Variants in NAA11 observed in about 807,000 individuals in gnomAD.
NAA11 encodes the protein N-alpha-acetyltransferase 11, NatA catalytic subunit.
In NAA11, 15 loss-of-function variants were observed where a neutral mutation model predicts 16.1. The ratio of observed to expected loss-of-function variants is 0.93; its 90% CI spans 0.62 to 1.44. NAA11 has a LOEUF of 1.44. Ranked by LOEUF, NAA11 falls within the 40% of genes most tolerant of loss-of-function variation. The probability of loss-of-function intolerance (pLI) is 0.00; values close to 1 mark genes in which losing one functional copy is unlikely to be tolerated. For synonymous variants in NAA11, 122 were observed against 112.4 expected, an observed-to-expected ratio of 1.09 and a Z score of -0.54; for missense variants, 298 against 291.3, an observed-to-expected ratio of 1.02 and a Z score of -0.17.
intron 2 of NAA11, among the ~76,000 whole-genome samples, chr4:79,267,465 C>G (rs1722378519): frequency 6.6e-6 from 1 of 152,148 alleles, no homozygotes; most frequent in Non-Finnish European, 1.5e-5. Flanking sequence ...CTTCTGTTTT[C>G]TCTACTGCAA....
the NAA11 span, among the ~76,000 whole-genome samples, chr4:79,181,245 C>T: frequency 6.6e-6 from 1 of 150,620 alleles, no homozygotes; most frequent in African/African-American, 2.4e-5. Context: ...AAAAAAAAAG[C>T]CATACAGCCT....
chr4:79,313,471 G>A (rs1296490137), downstream of NAA11, among the ~76,000 whole-genome samples: 2 of 152,156 alleles, frequency 1.3e-5, no homozygotes, highest in Admixed American at 1.3e-4. Context: ...GCTAAGGACT[G>A]TGTTCTCTAG....
chr4:79,261,873 G>C (rs1722249529), intron 2 of NAA11, among the ~76,000 whole-genome samples: 1 of 152,164 alleles, frequency 6.6e-6, no homozygotes, highest in African/African-American at 2.4e-5. Flanking sequence ...TTGAAGAGTT[G>C]ACTAAATGTT....
chr4:79,182,473 T>C, the NAA11 span, among the ~76,000 whole-genome samples: 15 of 152,308 alleles, frequency 9.8e-5, no homozygotes, highest in East Asian at 2.9e-3. Context: ...CAATTTATGG[T>C]GACATTTACT....
At chr4:79,214,958 C>G in the NAA11 span, among the ~76,000 whole-genome samples, 17 of 152,126 alleles carry the variant, frequency 1.1e-4, no homozygotes. Context: ...TACAGTGAGC[C>G]AAATAAATGT....
In NAA11 at chr4:79,320,738, ACTCTGT is replaced by A. The variant is rs533374299; in HGVS notation, c.*13-2953_*13-2948del. On this transcript the variant is annotated intron_variant, in intron 1 of 1. Coordinates refer to ENST00000286794, the MANE Select transcript of NAA11 (RefSeq NM_032693.3). ...ACTGTCCTGCTCAGCATCACTTCTA[ACTCTGT>A]CTCTGTTCCCAAATCCAAAAGTACA... Among the ~76,000 whole-genome samples the A allele has an allele frequency of 2.0e-5, 3 of 152,286 alleles. No individual in the cohort carries two copies. In the South Asian group the frequency reaches 6.2e-4, roughly 32 times the overall value.
rs569111113 is a variant in NAA11 at position 79,232,001 on chromosome 4, A to G, written c.*123-5731T>C. On this transcript the variant is annotated intron_variant and NMD_transcript_variant, in intron 2 of 2. Coordinates refer to the NAA11 transcript ENST00000511542. The stretch of plus-strand genomic sequence containing the variant: ...ATTTAGTGACATTAAAAATTTATTA[A>G]TTTTTAAGATTATGATAATGCTATT... 7.9e-5 allele frequency among the ~76,000 whole-genome samples: 12 copies of G among 151,900 alleles called. 1 individual carries two copies. The South Asian group carries it at 1.0e-3, about 13-fold the overall frequency.
chr4:79,179,429 T>C, the NAA11 span, among the ~76,000 whole-genome samples: 2 of 152,208 alleles, frequency 1.3e-5, no homozygotes, highest in African/African-American at 4.8e-5. Flanking sequence ...CTTTTTGTTG[T>C]ATTTCTGACT....
chr4:79,178,210 T>G, the NAA11 span, among the ~76,000 whole-genome samples: 1 of 152,180 alleles, frequency 6.6e-6, no homozygotes, highest in Non-Finnish European at 1.5e-5. Flanking sequence ...TATTTAATGG[T>G]AAGGCATGAC....
the NAA11 span, among the ~76,000 whole-genome samples, chr4:79,199,662 C>A: frequency 1.3e-5 from 2 of 151,814 alleles, no homozygotes; most frequent in African/African-American, 4.8e-5. Flanking sequence ...TCTTTCAAAG[C>A]TGATTTCAAC....
At chr4:79,207,367 T>TAAAA in the NAA11 span, among the ~76,000 whole-genome samples, 50 of 115,894 alleles carry the variant, frequency 4.3e-4, no homozygotes, top group Middle Eastern at 4.8e-3. Context: ...TGAATGAGGT[T>TAAAA]AAAAAAAAAA....
chr4:79,220,016 T>C, the NAA11 span, among the ~76,000 whole-genome samples: 1 of 152,226 alleles, frequency 6.6e-6, no homozygotes, highest in Non-Finnish European at 1.5e-5. Context: ...TTGTCCTATG[T>C]GCGAAGTCAG....
At chr4:79,309,275 G>A (rs1021795996) in intron 1 of NAA11, among the ~76,000 whole-genome samples, 24 of 151,004 alleles carry the variant, frequency 1.6e-4, no homozygotes, top group African/African-American at 5.6e-4. Flanking sequence ...AACAGAATTT[G>A]CTTTGCACAT....
intron 2 of NAA11, among the ~76,000 whole-genome samples, chr4:79,281,691 A>G (rs1040512715): frequency 6.6e-6 from 1 of 152,128 alleles, no homozygotes; most frequent in African/African-American, 2.4e-5. Flanking sequence ...AGGCCTCTCT[A>G]AGGAATTAGC....
intron 2 of NAA11, among the ~76,000 whole-genome samples, chr4:79,281,785 C>G (rs1722796603): frequency 6.6e-6 from 1 of 152,064 alleles, no homozygotes; most frequent in African/African-American, 2.4e-5. Flanking sequence ...GTCATGGGTT[C>G]TTAGTTTCTG....
the NAA11 span, among the ~76,000 whole-genome samples, chr4:79,160,048 A>G: frequency 1.3e-5 from 2 of 148,428 alleles, no homozygotes; most frequent in African/African-American, 2.5e-5. Context: ...CTGGAGTGCA[A>G]TGGTGCAATC....
At position 79,297,958 on chromosome 4, in the gene NAA11, A is replaced by C. The variant is rs562953446; in HGVS notation, c.*13-3844T>G. ...TGGGCCCACCAATGGCTGCCCATGG[A>C]CCAATCAGCATGTACTTCCTCCCCA... is the stretch of plus-strand genomic sequence containing the variant. On this transcript the variant is annotated intron_variant and NMD_transcript_variant, in intron 1 of 2. Coordinates refer to the NAA11 transcript ENST00000511542. 2.0e-5 allele frequency among the ~76,000 whole-genome samples: 3 copies of C among 152,258 alleles called. No homozygotes were observed. The East Asian group carries it at 5.8e-4, about 29-fold the overall frequency.
At chr4:79,324,562 C>G (rs1050325610) in intron 1 of NAA11, among the ~76,000 whole-genome samples, 2 of 152,150 alleles carry the variant, frequency 1.3e-5, no homozygotes, top group African/African-American at 4.8e-5. Flanking sequence ...TATAGTTTAA[C>G]AAGTCCCTCT....
intron 2 of NAA11, among the ~76,000 whole-genome samples, chr4:79,251,484 GT>G (rs999321275): frequency 6.6e-6 from 1 of 152,124 alleles, no homozygotes; most frequent in Non-Finnish European, 1.5e-5. Context: ...GAGAGTGGAG[GT>G]TGAGAGGAGG....
Sources: gnomAD v4.1 joint callset for allele counts (sites outside exome capture counted in the v4.1 genomes callset) on GRCh38, gnomAD v4.1.1 for gene constraint, MANE v1.5 for transcripts, NCBI Gene and HGNC (gene_info 2026-07-23, HGNC 2026-07-21) for gene names.